LGR5: variants seen among roughly 807,000 people sequenced by gnomAD.
The protein encoded by LGR5 is leucine rich repeat containing G protein-coupled receptor 5, also known as leucine-rich repeat-containing G protein-coupled receptor 5.
In LGR5, 54 loss-of-function variants were observed where a neutral mutation model predicts 76.7. The observed-to-expected ratio is 0.70, with a 90% CI of 0.57 to 0.88. The LOEUF is 0.88. Ranked by LOEUF, LGR5 falls within the 40% of genes least tolerant of loss-of-function variation. LGR5 has a pLI of 0.00. For missense variants in LGR5, 1,078 were observed against 1,073.3 expected, an observed-to-expected ratio of 1.00 and a Z score of -0.06; for synonymous variants, 406 against 421.9, an observed-to-expected ratio of 0.96 and a Z score of 0.46.
chr12:71,457,163 G>A (rs1872515141), intron 1 of LGR5, among the ~76,000 whole-genome samples: 1 of 152,072 alleles, frequency 6.6e-6, no homozygotes, highest in Non-Finnish European at 1.5e-5. Context: ...AGTTCTTTTC[G>A]AACACAATGA....
At chr12:71,441,785 T>C (rs1481911268) in intron 1 of LGR5, 2 of 152,178 alleles carry the variant, frequency 1.3e-5, no homozygotes, top group Admixed American at 6.5e-5. Context: ...TTCCCTTCAA[T>C]TGCACTCGTG....
At chr12:71,503,197 C>T (rs1346861921) in intron 1 of LGR5, among the ~76,000 whole-genome samples, 1 of 152,070 alleles carries the variant, frequency 6.6e-6, no homozygotes, top group African/African-American at 2.4e-5. Flanking sequence ...AATGACTGTG[C>T]TATTTCACAG....
intron 4 of LGR5, among the ~76,000 whole-genome samples, chr12:71,541,124 T>C (rs1202536114): frequency 6.6e-6 from 1 of 152,166 alleles, no homozygotes; most frequent in African/African-American, 2.4e-5. Context: ...TGAATTCTTA[T>C]GAGGAGGAAA....
At position 71,556,624 on chromosome 12, in the gene LGR5, T is replaced by G. The variant is rs756631849; in HGVS notation, c.650T>G (p.Leu217Arg). ...GNLSSLVVLHLHNNRIHSLGK... is the reference protein window; with the variant it reads ...GNLSSLVVLHRHNNRIHSLGK... ...TCTGTAATGTTCTACTGCAGACATC[T>G]CCATAACAATAGAATCCACTCCCTG... The change falls in exon 6 of 18, where the codon CTC (leucine) becomes CGC (arginine). Residue 217 changes from leucine to arginine, a missense_variant. Leu to Arg is a moderately radical substitution (Grantham distance 102). Transcript: ENST00000266674. The G allele has an allele frequency of 1.1e-5, 17 of 1,606,468 alleles. No individual in the cohort carries two copies.
chr12:71,546,488 C>G (rs1287224685), intron 4 of LGR5, among the ~76,000 whole-genome samples: 5 of 152,034 alleles, frequency 3.3e-5, no homozygotes, highest in Non-Finnish European at 7.4e-5. Context: ...ATCCAGTTGC[C>G]CAGGCCAGAA....
At chr12:71,444,380 T>C (rs567873625) in intron 1 of LGR5, among the ~76,000 whole-genome samples, 1 of 152,210 alleles carries the variant, frequency 6.6e-6, no homozygotes, top group East Asian at 1.9e-4. Context: ...GTTTTTGTTA[T>C]AGGGTGAATT....
intron 1 of LGR5, among the ~76,000 whole-genome samples, chr12:71,473,394 G>A (rs183816620): frequency 5.3e-5 from 8 of 152,156 alleles, no homozygotes; most frequent in Admixed American, 4.6e-4. Flanking sequence ...ATGAATTAAT[G>A]TGACAAGCTG....
chr12:71,569,884 A>T (rs1286750792), intron 11 of LGR5, among the ~76,000 whole-genome samples: 1 of 152,250 alleles, frequency 6.6e-6, no homozygotes, highest in Non-Finnish European at 1.5e-5. Flanking sequence ...CACTATTCAC[A>T]GTAGCAAAGA....
intron 3 of LGR5, among the ~76,000 whole-genome samples, chr12:71,534,621 GCT>G (rs1876490125): frequency 6.6e-6 from 1 of 152,128 alleles, no homozygotes; most frequent in Admixed American, 6.6e-5. Flanking sequence ...ATGGTCTCAG[GCT>G]CTCTCTCCCA....
intron 3 of LGR5, among the ~76,000 whole-genome samples, chr12:71,527,524 A>G (rs1177107675): frequency 6.6e-6 from 1 of 152,190 alleles, no homozygotes; most frequent in Non-Finnish European, 1.5e-5. Context: ...TCTTCCAACA[A>G]GGCTTTTTAT....
chr12:71,491,180 C>A (rs1191062478), intron 1 of LGR5, among the ~76,000 whole-genome samples: 2 of 152,262 alleles, frequency 1.3e-5, no homozygotes, highest in East Asian at 3.9e-4. Context: ...GCTCATTAAA[C>A]CTCTTTTTCT....
chr12:71,561,959 A>G lies in LGR5; in HGVS notation c.857+107A>G, dbSNP rs577532059. ...ATTTGCCTGAGTTTTGTCTTAGTCA[A>G]TCTAAGAGTTCATACAGAAAGGTAT... On this transcript the variant is annotated intron_variant, in intron 8 of 17. Coordinates refer to ENST00000266674, the MANE Select transcript of LGR5 (RefSeq NM_003667.4). 89 of 663,474 alleles carry G rather than the reference A, an allele frequency of 1.3e-4. 1 individual carries two copies. Among genetic ancestry groups the G allele is most frequent in the South Asian group, 9.1e-4 (37 of 40,520 alleles). The allele number at this position is 663,474 out of a possible 1,614,324, so 41.1% of individuals were successfully genotyped here.
Position 71,561,861 on chromosome 12 carries a change from C to T in LGR5, c.857+9C>T. 1 of 1,537,168 alleles carries T rather than the reference C, an allele frequency of 6.5e-7. No individual in the cohort carries two copies. Among genetic ancestry groups the T allele is most frequent in the Non-Finnish European group, 9.0e-7 (1 of 1,116,292 alleles). On this transcript the variant is annotated intron_variant, in intron 8 of 17. Coordinates refer to ENST00000266674, the MANE Select transcript of LGR5 (RefSeq NM_003667.4). ...CCTTCTCTTATTACAATGTAAGTGA[C>T]CATAATGCTTTTCGGTTTCTCCATC...
At chr12:71,534,019 C>G (rs1282587840) in intron 3 of LGR5, among the ~76,000 whole-genome samples, 1 of 152,214 alleles carries the variant, frequency 6.6e-6, no homozygotes, top group Non-Finnish European at 1.5e-5. Flanking sequence ...CAGAAAGAAA[C>G]TTCCTTTGCA....
At chr12:71,557,681 G>C (rs998257559) in intron 6 of LGR5, among the ~76,000 whole-genome samples, 3 of 152,188 alleles carry the variant, frequency 2.0e-5, no homozygotes, top group African/African-American at 7.2e-5. Context: ...GCTTTTCCCA[G>C]GGGAGGAGCT....
intron 11 of LGR5, among the ~76,000 whole-genome samples, chr12:71,570,406 C>A (rs1474192040): frequency 6.6e-6 from 1 of 152,198 alleles, no homozygotes; most frequent in African/African-American, 2.4e-5. Context: ...TGTAGAAGGT[C>A]TTTTGTTCCC....
chr12:71,459,953 A>G (rs1872625532), intron 1 of LGR5, among the ~76,000 whole-genome samples: 1 of 152,074 alleles, frequency 6.6e-6, no homozygotes, highest in Non-Finnish European at 1.5e-5. Context: ...ACCACTTAGA[A>G]CAGTGCCTGG....
chr12:71,540,758 C>T (rs554026677), intron 4 of LGR5, among the ~76,000 whole-genome samples: 1 of 152,060 alleles, frequency 6.6e-6, no homozygotes, highest in South Asian at 2.1e-4. Flanking sequence ...GGGCTTCAGA[C>T]ATGGGATATA....
chr12:71,551,294 T>C (rs1467611610), intron 4 of LGR5, among the ~76,000 whole-genome samples: 1 of 152,252 alleles, frequency 6.6e-6, no homozygotes, highest in East Asian at 1.9e-4. Context: ...AGGAAGCTGC[T>C]TTCTATAGAA....
Sources: allele counts gnomAD v4.1 joint callset (sites outside exome capture counted in the v4.1 genomes callset), GRCh38; gene constraint gnomAD v4.1.1; transcripts MANE v1.5; gene names NCBI Gene and HGNC (gene_info 2026-07-23, HGNC 2026-07-21).